CAMK2B: variants seen among roughly 807,000 people sequenced by gnomAD.
CAMK2B encodes calcium/calmodulin-dependent protein kinase type II subunit beta.
CAMK2B carries 27 observed loss-of-function variants against 93.7 expected under a neutral mutation model. That is an observed-to-expected ratio of 0.29 (90% CI 0.21 to 0.40). The LOEUF is 0.40. CAMK2B is among the 10% of genes least tolerant of loss of function. The pLI, the probability that CAMK2B is intolerant of heterozygous loss-of-function variation, is 1.00. For synonymous variants in CAMK2B, 374 were observed against 358.8 expected, an observed-to-expected ratio of 1.04 and a Z score of -0.48; for missense variants, 568 against 895.8, an observed-to-expected ratio of 0.63 and a Z score of 4.67.
At chr7:44,277,879 C>T (rs2097063376) in intron 2 of CAMK2B, among the ~76,000 whole-genome samples, 1 of 152,192 alleles carries the variant, frequency 6.6e-6, no homozygotes. Flanking sequence ...CCCTGAATAG[C>T]AGTGGGGAAG....
In CAMK2B at chr7:44,232,715, G is replaced by GC. The variant is rs5883896; in HGVS notation, c.1176+106dup. 1,103,761 of 1,103,782 alleles carry GC rather than the reference G, an allele frequency of 1. 551,870 individuals are homozygous for GC. Among genetic ancestry groups the GC allele is most frequent in the Middle Eastern group, 1 (3,686 of 3,686 alleles). 68.4% of individuals were successfully genotyped at this position (1,103,782 alleles called of 1,614,324 possible). On this transcript the variant is annotated intron_variant, in intron 16 of 23. Coordinates refer to ENST00000395749, the MANE Select transcript of CAMK2B (RefSeq NM_001220.5). ...CGTACTGCGGGGAGGGGCGGCCAGGGCATGGGACATCTGCCCTCCACTCTG... is the reference window on the plus strand; with the variant it reads ...CGTACTGCGGGGAGGGGCGGCCAGGGCCATGGGACATCTGCCCTCCACTCTG...
At chr7:44,255,435 T>C (rs764001559) in intron 4 of CAMK2B, among the ~76,000 whole-genome samples, 1 of 152,148 alleles carries the variant, frequency 6.6e-6, no homozygotes, top group Non-Finnish European at 1.5e-5. Context: ...CCTCACACAC[T>C]TAGCCTGCTT....
At chr7:44,290,489 C>G (rs896906410) in intron 1 of CAMK2B, among the ~76,000 whole-genome samples, 1 of 152,248 alleles carries the variant, frequency 6.6e-6, no homozygotes, top group Non-Finnish European at 1.5e-5. Flanking sequence ...AGGCCACCTA[C>G]GTCCTTTCTT....
intron 5 of CAMK2B, 47 bp downstream of exon 5, chr7:44,254,495 G>A: frequency 1.5e-6 from 2 of 1,365,976 alleles, no homozygotes; most frequent in Non-Finnish European, 2.1e-6. Context: ...GGGATGGTGA[G>A]GGTATAAAGG....
intron 5 of CAMK2B, among the ~76,000 whole-genome samples, chr7:44,251,974 T>C (rs2096784807): frequency 6.6e-6 from 1 of 151,842 alleles, no homozygotes; most frequent in South Asian, 2.1e-4. Flanking sequence ...CAGCAGAAAA[T>C]CTGGGGTTCA....
intron 2 of CAMK2B, among the ~76,000 whole-genome samples, chr7:44,267,386 G>A (rs559432480): frequency 6.6e-6 from 1 of 152,310 alleles, no homozygotes; most frequent in South Asian, 2.1e-4. Context: ...GGGTTTTAGA[G>A]GATGAGTAGG....
intron 2 of CAMK2B, chr7:44,268,448 G>C (rs981659910): frequency 2.6e-5 from 4 of 152,308 alleles, no homozygotes; most frequent in African/African-American, 9.6e-5. Flanking sequence ...CAAGGGCCCA[G>C]GTGACAAGGT....
intron 16 of CAMK2B, among the ~76,000 whole-genome samples, chr7:44,232,216 G>C (rs1347929904): frequency 6.6e-6 from 1 of 152,082 alleles, no homozygotes; most frequent in Non-Finnish European, 1.5e-5. Flanking sequence ...GGCTCTGTAA[G>C]GAGCCCAGGC....
intron 5 of CAMK2B, 90 bp downstream of exon 5, chr7:44,254,452 G>T: frequency 1.1e-6 from 1 of 931,960 alleles, no homozygotes; most frequent in Non-Finnish European, 1.8e-6. Flanking sequence ...CACCAGACGT[G>T]GGTTAGAAAG....
chr7:44,240,640 A>G (rs1282578768), intron 12 of CAMK2B, 67 bp downstream of exon 12: 2 of 1,548,498 alleles, frequency 1.3e-6, no homozygotes, highest in African/African-American at 1.4e-5. Flanking sequence ...GTGAGGAAGG[A>G]GGCGCTCTCC....
intron 2 of CAMK2B, among the ~76,000 whole-genome samples, chr7:44,279,537 C>T (rs2097084745): frequency 6.6e-6 from 1 of 152,224 alleles, no homozygotes; most frequent in African/African-American, 2.4e-5. Flanking sequence ...AGGCAGCCCC[C>T]TGGCTGGCTA....
intron 2 of CAMK2B, among the ~76,000 whole-genome samples, chr7:44,269,718 C>T (rs989383658): frequency 6.6e-6 from 1 of 152,118 alleles, no homozygotes; most frequent in African/African-American, 2.4e-5. Context: ...GGGGGAGGCA[C>T]AAGGCCCACC....
At chr7:44,238,497 C>T (rs1309940988) in intron 13 of CAMK2B, among the ~76,000 whole-genome samples, 2 of 152,198 alleles carry the variant, frequency 1.3e-5, no homozygotes, top group Non-Finnish European at 2.9e-5. Flanking sequence ...CGTGGGAGGG[C>T]TCTCCCGGGG....
intron 2 of CAMK2B, among the ~76,000 whole-genome samples, chr7:44,276,973 T>G (rs1007946349): frequency 2.6e-5 from 4 of 152,180 alleles, no homozygotes; most frequent in African/African-American, 9.7e-5. Flanking sequence ...AGCTCCACCC[T>G]GAGCTGAAGG....
At chr7:44,254,228 G>A (rs368970727) in intron 5 of CAMK2B, among the ~76,000 whole-genome samples, 22 of 152,330 alleles carry the variant, frequency 1.4e-4, no homozygotes, top group African/African-American at 5.3e-4. Flanking sequence ...TGTGGGAAGG[G>A]CTGCCTGAGG....
At chr7:44,245,782 A>G (rs2096724151) in intron 6 of CAMK2B, among the ~76,000 whole-genome samples, 1 of 152,132 alleles carries the variant, frequency 6.6e-6, no homozygotes, top group African/African-American at 2.4e-5. Flanking sequence ...CAGCACAAAG[A>G]TCATCGATGG....
At chr7:44,229,569 G>A in intron 17 of CAMK2B, 68 bp from the exon 18 acceptor site, 1 of 695,724 alleles carries the variant, frequency 1.4e-6, no homozygotes, top group East Asian at 3.4e-5. Context: ...AACTGGAGAA[G>A]GACAGGGGGA....
rs1785038322 is a variant in CAMK2B at position 44,286,184 on chromosome 7, C to T, written c.66-1959G>A. ...TCCGGGGCCACTGTGTGGCTGTTTG[C>T]CGGACTTCTTGCTCAGGAGAGGTAA... On this transcript the variant is annotated intron_variant, in intron 1 of 23. Transcript: ENST00000395749. The surrounding 1 kb of genome is among the most constrained non-coding windows in gnomAD (Gnocchi z 4.0). Among the ~76,000 whole-genome samples the T allele has an allele frequency of 6.6e-6, 1 of 151,992 alleles. No individual in the cohort carries two copies. The highest frequency in any genetic ancestry group is 1.5e-5 in the Non-Finnish European group (1 of 67,996).
At chr7:44,317,933 C>A (rs1368914565) in intron 1 of CAMK2B, among the ~76,000 whole-genome samples, 1 of 152,132 alleles carries the variant, frequency 6.6e-6, no homozygotes, top group Non-Finnish European at 1.5e-5. Flanking sequence ...CCATTGGAAT[C>A]ACCTGGGAGC....
Sources: allele counts gnomAD v4.1 joint callset (sites outside exome capture counted in the v4.1 genomes callset), GRCh38; gene constraint gnomAD v4.1.1; non-coding constraint Gnocchi (gnomAD v3.1); transcripts MANE v1.5; gene names NCBI Gene and HGNC (gene_info 2026-07-23, HGNC 2026-07-21).